The following SLC26A6 variants were observed in gnomAD, a reference collection of about 807,000 sequenced individuals.
SLC26A6 encodes the protein solute carrier family 26 member 6.
SLC26A6 carries 67 observed loss-of-function variants against 87.1 expected under a neutral mutation model. That is an observed-to-expected ratio of 0.77 (90% CI 0.63 to 0.94). The LOEUF (loss-of-function observed/expected upper bound fraction) is 0.94. SLC26A6 is among the 40% of genes least tolerant of loss of function. SLC26A6 has a pLI of 0.00. For missense variants in SLC26A6, 902 were observed against 973.0 expected (o/e 0.93, Z 0.97); for synonymous variants, 414 against 405.9 (o/e 1.02, Z -0.24).
intron 4 of SLC26A6, chr3:48,632,645 C>T: frequency 1.4e-6 from 1 of 698,418 alleles, no homozygotes; most frequent in Non-Finnish European, 2.6e-6. Context: ...CCTGTGTCTA[C>T]TGGTCCCGGG....
chr3:48,626,130 C>T, intron 20 of SLC26A6, 88 bp downstream of exon 20: 1 of 1,610,696 alleles, frequency 6.2e-7, no homozygotes, highest in Non-Finnish European at 8.5e-7. Context: ...GCCATGGCCA[C>T]CAGGAAAGAC....
Position 48,626,939 on chromosome 3 carries a change from G to A in SLC26A6, c.2010C>T (p.Ser670=), listed in dbSNP as rs779251530. 9 of 1,614,072 alleles carry A rather than the reference G, an allele frequency of 5.6e-6. No individual in the cohort carries two copies. Among genetic ancestry groups the A allele is most frequent in the Non-Finnish European group, 7.6e-6 (9 of 1,180,040 alleles). ...AGAGGGCACCCAGGTCCAGGATGAGGCTGTGGAAGTCTGGCTGAGGCAGGC... is the reference window on the plus strand; with the variant it reads ...AGAGGGCACCCAGGTCCAGGATGAGACTGTGGAAGTCTGGCTGAGGCAGGC... ...ALGLPQPDFH[S]LILDLGALSF... Residue 670 remains serine (S), a synonymous_variant, in exon 18 of 21, where the codon AGC becomes AGT. Coordinates refer to ENST00000395550, the MANE Select transcript of SLC26A6 (RefSeq NM_022911.3).
In SLC26A6 at chr3:48,630,531, G is replaced by A. The variant is rs1464308959; in HGVS notation, c.1249-16C>T. 5.1e-6 allele frequency: 8 copies of A among 1,558,834 alleles called. 1 individual carries two copies. Among genetic ancestry groups the A allele is most frequent in the Non-Finnish European group, 6.1e-6 (7 of 1,150,874 alleles). ...CTCCAGCAACCTGTTCGGGGAGGGA[G>A]TGAGCAGGGGAGAGACCTCCTTCCC... is the stretch of plus-strand genomic sequence containing the variant. On this transcript the variant is annotated splice_polypyrimidine_tract_variant and intron_variant, in intron 10 of 20. Coordinates refer to ENST00000395550, the MANE Select transcript of SLC26A6 (RefSeq NM_022911.3).
chr3:48,628,597 A>T lies in SLC26A6; in HGVS notation c.1692+25T>A. 1 of 1,613,844 alleles carries T rather than the reference A, an allele frequency of 6.2e-7. No homozygotes were observed. The highest frequency in any genetic ancestry group is 1.1e-5 in the South Asian group (1 of 91,084). ...AGCTCTCTGGGAGCTGGGGCCTGAC[A>T]CCCATCCTGGGGACTCCGTCTCACC... is the stretch of plus-strand genomic sequence containing the variant. On this transcript the variant is annotated intron_variant, in intron 15 of 20. Coordinates refer to ENST00000395550, the MANE Select transcript of SLC26A6 (RefSeq NM_022911.3). This position sits in a 1 kb window ranked among gnomAD's most constrained non-coding sequence, Gnocchi z 4.4.
chr3:48,629,065 C>T (rs1463454855), intron 14 of SLC26A6, among the ~76,000 whole-genome samples: 1 of 152,202 alleles, frequency 6.6e-6, no homozygotes, highest in Non-Finnish European at 1.5e-5. Context: ...GCTCCCACCC[C>T]ATTCGGGTCA....
At position 48,629,722 on chromosome 3, in the gene SLC26A6, G is replaced by A; in HGVS notation, c.1530-11C>T. The A allele has an allele frequency of 6.2e-7, 1 of 1,612,978 alleles. No individual in the cohort carries two copies. The highest frequency in any genetic ancestry group is 8.5e-7 in the Non-Finnish European group (1 of 1,179,360). Reference sequence around the variant, plus strand: ...ACAGAGTAGTGGGGCCTGTGAAGGAGAGAGAGAATGCACGAAGAGGGGGCA... The same window carrying A: ...ACAGAGTAGTGGGGCCTGTGAAGGAAAGAGAGAATGCACGAAGAGGGGGCA... On this transcript the variant is annotated splice_polypyrimidine_tract_variant and intron_variant, in intron 13 of 20. Transcript: ENST00000395550.
rs1559466603 is a variant in SLC26A6, at chr3:48,629,916, A to G, written c.1485T>C (p.Val495=). 1 of 1,614,092 alleles carries G rather than the reference A, an allele frequency of 6.2e-7. No homozygotes were observed. The highest frequency in any genetic ancestry group is 8.5e-7 in the Non-Finnish European group (1 of 1,180,032). ...ILLNLDLGLV[V]AVIFSLLLVV... ...CGAGCAGCAGGGAGAAGATGACCGC[A>G]ACCACCAAGCCAAGGTCCAGGTTCA... Residue 495 remains valine, a synonymous_variant, in exon 13 of 21, where the codon GTT becomes GTC. Transcript: ENST00000395550.
At position 48,630,512 on chromosome 3, in the gene SLC26A6, CA is replaced by C; in HGVS notation, c.1251del (p.Ala418LeufsTer34). On this transcript the variant is annotated frameshift_variant and splice_region_variant, in exon 11 of 21. Transcript: ENST00000395550. LOFTEE classifies it high-confidence loss of function. ...VQESTGGNSQ[V>X]AGAISSLFIL... Reference sequence around the variant, plus strand: ...ATGAAAAGGGAAGAGATGGCTCCAGCAACCTGTTCGGGGAGGGAGTGAGCAG... The same window carrying C: ...ATGAAAAGGGAAGAGATGGCTCCAGCACCTGTTCGGGGAGGGAGTGAGCAG... 6.4e-7 allele frequency: 1 copy of C among 1,560,708 alleles called. No individual in the cohort carries two copies. Among genetic ancestry groups the C allele is most frequent in the South Asian group, 1.2e-5 (1 of 84,670 alleles).
chr3:48,634,477 C>T (rs1332468803), intron 1 of SLC26A6: 1 of 152,518 alleles, frequency 6.6e-6, no homozygotes, highest in Non-Finnish European at 1.5e-5. Context: ...AGAAAGATCT[C>T]ACATGGGAAG....
At chr3:48,627,077 C>T (rs746850074) in intron 17 of SLC26A6, 22 bp from the exon 18 acceptor site, 1 of 1,606,564 alleles carries the variant, frequency 6.2e-7, no homozygotes, top group Non-Finnish European at 8.5e-7. Flanking sequence ...GACATGCTGC[C>T]AGGGCCACCC....
chr3:48,631,835 G>A (rs1296000265), intron 6 of SLC26A6, 34 bp from the exon 7 acceptor site: 2 of 1,613,078 alleles, frequency 1.2e-6, no homozygotes, highest in Non-Finnish European at 1.7e-6. Flanking sequence ...TAGCACTCAA[G>A]GCCATGGGGC....
rs190737509 is a variant in SLC26A6 at position 48,632,346 on chromosome 3, C to T, written c.484G>A (p.Ala162Thr). ...ATGGAGTCGTTCAAGGCCTGCGGGG[C>T]CAGGGATTCTGTCACACTGCCCACC... ...VMVGSVTESL[A>T]PQALNDSMIN... is the part of the protein sequence containing the mutation. Residue 162 changes from alanine to threonine, a missense_variant, in exon 5 of 21, where the codon GCC (alanine) becomes ACC (threonine). Transcript: ENST00000395550. 6.2e-7 allele frequency: 1 copy of T among 1,612,778 alleles called. No individual in the cohort carries two copies. The highest frequency in any genetic ancestry group is 1.7e-5 in the Admixed American group (1 of 59,874).
chr3:48,632,834 G>A (rs1225015784), intron 4 of SLC26A6, 140 bp downstream of exon 4: 1 of 837,720 alleles, frequency 1.2e-6, no homozygotes, highest in African/African-American at 1.7e-5. Context: ...GCCTGGGGAT[G>A]ACTCGTGGGC....
Position 48,635,275 on chromosome 3 carries a change from C to A in SLC26A6, c.23+96G>T, listed in dbSNP as rs2046924542. 6 of 1,216,982 alleles carry A rather than the reference C, an allele frequency of 4.9e-6. No homozygotes were observed. The Admixed American group carries it at 9.1e-5, about 18-fold the overall frequency. The allele number at this position is 1,216,982 out of a possible 1,614,324, so 75.4% of individuals were successfully genotyped here. A position where few individuals can be genotyped will look rare whatever the true frequency, so the allele number is the denominator to read the frequency against. The stretch of plus-strand genomic sequence containing the variant: ...CAGAGGTAAACCGAGGCGTCGCAAG[C>A]GGAGAATGCCTGCTCCAGCGAGGCG... On this transcript the variant is annotated intron_variant, in intron 1 of 20. Transcript: ENST00000395550.
Position 48,625,855 on chromosome 3 carries a change from C to T in SLC26A6, c.*131G>A. The T allele has an allele frequency of 1.6e-6, 2 of 1,233,224 alleles. No homozygotes were observed. The highest frequency in any genetic ancestry group is 4.7e-5 in the East Asian group (2 of 42,428). The allele number at this position is 1,233,224 out of a possible 1,614,324, so 76.4% of individuals were successfully genotyped here. A position where few individuals can be genotyped will look rare whatever the true frequency, so the allele number is the denominator to read the frequency against. ...CGCTGAACTTGGAGTCCCAGGACCT[C>T]CTTCCCTGAGTTGTGTGTGTGTACA... is the stretch of plus-strand genomic sequence containing the variant. On this transcript the variant is annotated 3_prime_UTR_variant, in exon 21 of 21. Coordinates refer to ENST00000395550, the MANE Select transcript of SLC26A6 (RefSeq NM_022911.3). This position sits in a 1 kb window ranked among gnomAD's most constrained non-coding sequence, Gnocchi z 4.7.
Position 48,635,428 on chromosome 3 carries a change from T to A in SLC26A6, c.-35A>T. ...GTTGTCCGGTGCGGGCTGCTCCTGC[T>A]GCTCGAGCTAGAGGCCGCTACGCTC... On this transcript the variant is annotated 5_prime_UTR_variant, in exon 1 of 21. Coordinates refer to ENST00000395550, the MANE Select transcript of SLC26A6 (RefSeq NM_022911.3). 6.4e-7 allele frequency: 1 copy of A among 1,567,536 alleles called. No individual in the cohort carries two copies.
At chr3:48,633,805 CA>C (rs1256884086) in intron 1 of SLC26A6, 170 bp from the exon 2 acceptor site, 3 of 1,449,198 alleles carry the variant, frequency 2.1e-6, no homozygotes, top group Non-Finnish European at 2.7e-6. Flanking sequence ...CAAACTCAGA[CA>C]GGGGCAGTAC....
At position 48,630,592 on chromosome 3, in the gene SLC26A6, A is replaced by T. The variant is rs1243774140; in HGVS notation, c.1248+15T>A. 2 of 1,567,986 alleles carry T rather than the reference A, an allele frequency of 1.3e-6. No individual in the cohort carries two copies. The highest frequency in any genetic ancestry group is 2.3e-5 in the South Asian group (2 of 85,800). On this transcript the variant is annotated intron_variant, in intron 10 of 20. Transcript: ENST00000395550. ...AATGTGCATGCCCACACCCATGCCC[A>T]CACCCAAAGCCCACCTGCGAGTTGC...
chr3:48,627,096 G>C (rs60028595), intron 17 of SLC26A6, 41 bp from the exon 18 acceptor site: 1 of 1,595,780 alleles, frequency 6.3e-7, no homozygotes, highest in Admixed American at 1.7e-5. Context: ...CCATGAGAGA[G>C]TGAAGGCAGG....
Sources: gnomAD v4.1 joint callset for allele counts (sites outside exome capture counted in the v4.1 genomes callset) on GRCh38, gnomAD v4.1.1 for gene constraint, Gnocchi (gnomAD v3.1) non-coding constraint, MANE v1.5 for transcripts, NCBI Gene and HGNC (gene_info 2026-07-23, HGNC 2026-07-21) for gene names.